The following PDE4B variants were observed in gnomAD, a reference collection of about 807,000 sequenced individuals.
The protein encoded by PDE4B is phosphodiesterase 4B, also known as 3',5'-cyclic-AMP phosphodiesterase 4B.
In PDE4B, 20 loss-of-function variants were observed where a neutral mutation model predicts 82.2. That is an observed-to-expected ratio of 0.24 (90% CI 0.17 to 0.35). The LOEUF (loss-of-function observed/expected upper bound fraction) is 0.35, where lower values mean the gene tolerates loss of function less well. PDE4B is among the 10% of genes least tolerant of loss of function. PDE4B has a pLI of 1.00. For missense variants in PDE4B, 655 were observed against 907.2 expected (o/e 0.72, Z 3.57); for synonymous variants, 320 against 318.9 (o/e 1.00, Z -0.04).
At chr1:66,343,859 A>AT (rs536215650) in intron 8 of PDE4B, among the ~76,000 whole-genome samples, 251 of 148,238 alleles carry the variant, frequency 1.7e-3, no homozygotes, top group Non-Finnish European at 2.3e-3. Flanking sequence ...TAAAGATAGA[A>AT]TTTTTTTTTT....
At chr1:66,084,179 AT>A (rs1316618449) in intron 3 of PDE4B, among the ~76,000 whole-genome samples, 1 of 152,154 alleles carries the variant, frequency 6.6e-6, no homozygotes, top group Non-Finnish European at 1.5e-5. Flanking sequence ...AAATAGAAAA[AT>A]AAAAGTGGGG....
intron 3 of PDE4B, among the ~76,000 whole-genome samples, chr1:66,166,007 A>C (rs1191480922): frequency 6.6e-6 from 1 of 152,212 alleles, no homozygotes; most frequent in African/African-American, 2.4e-5. Flanking sequence ...AATTTACTAA[A>C]ATGGTAGTAT....
intron 3 of PDE4B, among the ~76,000 whole-genome samples, chr1:66,096,508 T>TTATATATATATA (rs4068855): frequency 0.016 from 1,714 of 106,906 alleles, 31 homozygotes; most frequent in Middle Eastern, 0.032. Flanking sequence ...GTAAAAAAAA[T>TTATATATATATA]TATATATATA....
Position 65,918,587 on chromosome 1 carries a change from G to T in PDE4B, c.43-10G>T, listed in dbSNP as rs371774255. 3 of 1,452,792 alleles carry T rather than the reference G, an allele frequency of 2.1e-6. No individual in the cohort carries two copies. The highest frequency in any genetic ancestry group is 2.3e-5 in the South Asian group (2 of 87,448). The allele number at this position is 1,452,792 out of a possible 1,614,324, so 90.0% of individuals were successfully genotyped here. A position where few individuals can be genotyped will look rare whatever the true frequency, so the allele number is the denominator to read the frequency against. On this transcript the variant is annotated splice_polypyrimidine_tract_variant and intron_variant, in intron 2 of 16. Transcript: ENST00000341517. ...TCTCTTCTTTTTTTCTTTCCCTGTG[G>T]TTCCTCCAGAATGTTAAAGATTATT...
intron 3 of PDE4B, among the ~76,000 whole-genome samples, chr1:66,025,980 A>T (rs1007357297): frequency 6.6e-6 from 1 of 152,214 alleles, no homozygotes; most frequent in Non-Finnish European, 1.5e-5. Context: ...GTCTCAGAAT[A>T]CAAACCTTTA....
chr1:66,179,000 G>A (rs6701547), intron 3 of PDE4B, among the ~76,000 whole-genome samples: 8,132 of 152,132 alleles, frequency 0.053, 278 homozygotes, highest in Middle Eastern at 0.099. Flanking sequence ...ACAGGCACCT[G>A]CCAGGAAGGA....
intron 1 of PDE4B, among the ~76,000 whole-genome samples, chr1:65,878,273 A>G (rs1181147194): frequency 1.3e-5 from 2 of 152,218 alleles, no homozygotes; most frequent in Non-Finnish European, 2.9e-5. Flanking sequence ...ACACTTTTAC[A>G]TTGTTGGAGG....
At chr1:65,798,683 A>T (rs1246767912) in intron 1 of PDE4B, among the ~76,000 whole-genome samples, 15 of 152,168 alleles carry the variant, frequency 9.9e-5, no homozygotes, top group Admixed American at 9.8e-4. Context: ...TAAATCCTCA[A>T]CCACATTATC....
chr1:65,893,684 C>CATATATATAT (rs58576596), intron 1 of PDE4B, among the ~76,000 whole-genome samples: 2 of 151,790 alleles, frequency 1.3e-5, no homozygotes, highest in Admixed American at 6.6e-5. Context: ...TTATATGAAA[C>CATATATATAT]ATGCACACAT....
chr1:66,358,092 T>G (rs1662407347), intron 9 of PDE4B, among the ~76,000 whole-genome samples: 1 of 152,182 alleles, frequency 6.6e-6, no homozygotes, highest in Admixed American at 6.5e-5. Flanking sequence ...CATGGGACCA[T>G]AAAACCTTGT....
intron 8 of PDE4B, among the ~76,000 whole-genome samples, chr1:66,352,279 T>G (rs1486825003): frequency 6.6e-6 from 1 of 152,180 alleles, no homozygotes; most frequent in Non-Finnish European, 1.5e-5. Context: ...AGCAAAAGGC[T>G]CATAGGAGAA....
intron 16 of PDE4B, among the ~76,000 whole-genome samples, chr1:66,370,264 C>T (rs2050698041): frequency 6.6e-6 from 1 of 151,390 alleles, no homozygotes. Flanking sequence ...TTCGAATAGC[C>T]CAAAGGCTTA....
At chr1:66,355,265 C>G (rs1462792862) in intron 8 of PDE4B, 1 of 386,946 alleles carries the variant, frequency 2.6e-6, no homozygotes, top group Non-Finnish European at 4.6e-6. Flanking sequence ...ATCTTGACCT[C>G]TATTAAAATT....
intron 1 of PDE4B, among the ~76,000 whole-genome samples, chr1:65,803,089 G>T (rs931678451): frequency 1.3e-5 from 2 of 151,794 alleles, no homozygotes; most frequent in African/African-American, 4.8e-5. Flanking sequence ...AATAAACTTG[G>T]CTTAATCTCA....
At chr1:66,257,319 G>A (rs1282983476) in intron 4 of PDE4B, 2 of 420,826 alleles carry the variant, frequency 4.8e-6, no homozygotes, top group South Asian at 2.3e-5. Context: ...CCTGGCTCTG[G>A]CAACCAAAAT....
chr1:66,078,585 T>C (rs953805849), intron 3 of PDE4B, among the ~76,000 whole-genome samples: 14 of 152,128 alleles, frequency 9.2e-5, no homozygotes, highest in South Asian at 2.1e-4. Flanking sequence ...TCCACCTATG[T>C]AGCATGTGCT....
chr1:66,286,056 A>T (rs1656652723), intron 7 of PDE4B, among the ~76,000 whole-genome samples: 1 of 152,184 alleles, frequency 6.6e-6, no homozygotes, highest in African/African-American at 2.4e-5. Flanking sequence ...CCAACAACCA[A>T]ACCCAGCTAG....
intron 7 of PDE4B, among the ~76,000 whole-genome samples, chr1:66,307,860 G>C (rs1490209574): frequency 6.6e-6 from 1 of 152,054 alleles, no homozygotes; most frequent in Non-Finnish European, 1.5e-5. Flanking sequence ...AAGCAGACTG[G>C]GCAAATGTCT....
chr1:66,117,537 C>G (rs1412428637), intron 3 of PDE4B, among the ~76,000 whole-genome samples: 3 of 152,016 alleles, frequency 2.0e-5, no homozygotes, highest in Non-Finnish European at 4.4e-5. Flanking sequence ...GAAACAGACA[C>G]AGATTTTACC....
Sources: gnomAD v4.1 joint callset for allele counts (sites outside exome capture counted in the v4.1 genomes callset) on GRCh38, gnomAD v4.1.1 for gene constraint, MANE v1.5 for transcripts, NCBI Gene and HGNC (gene_info 2026-07-23, HGNC 2026-07-21) for gene names.